The following DMD variants were observed in gnomAD, a reference collection of about 807,000 sequenced individuals.
DMD encodes the protein mutant dystrophin.
A neutral mutation model predicts 330.1 loss-of-function variants in DMD; 63 were observed. The observed-to-expected ratio is 0.19, with a 90% CI of 0.16 to 0.24. The LOEUF (loss-of-function observed/expected upper bound fraction) is 0.24, where lower values mean the gene tolerates loss of function less well. Among genes scored for constraint, DMD ranks in the 10% least tolerant of loss-of-function variants. The pLI, the probability that DMD is intolerant of heterozygous loss-of-function variation, is 1.00. For synonymous variants in DMD, 1,223 were observed against 959.8 expected, an observed-to-expected ratio of 1.27 and a Z score of -5.07; for missense variants, 3,344 against 2,684.1, an observed-to-expected ratio of 1.25 and a Z score of -5.43.
intron 1 of DMD, among the ~76,000 whole-genome samples, chrX:33,091,081 C>T (rs1603265078): frequency 9.0e-6 from 1 of 110,845 alleles, no homozygotes; most frequent in African/African-American, 3.3e-5. Context: ...AACTCTCAGT[C>T]CAGGACTGAG....
chrX:32,721,182 C>T (rs1204420102), intron 7 of DMD, among the ~76,000 whole-genome samples: 1 of 110,687 alleles, frequency 9.0e-6, no homozygotes, highest in Non-Finnish European at 1.9e-5. Context: ...AAGGCTATCT[C>T]CACAAGGTTC....
chrX:31,870,262 A>G (rs1018663545), intron 48 of DMD, among the ~76,000 whole-genome samples: 1 of 111,690 alleles, frequency 9.0e-6, no homozygotes, highest in African/African-American at 3.3e-5. Flanking sequence ...TTATTTCTCT[A>G]CTTTTTTGAG....
intron 30 of DMD, among the ~76,000 whole-genome samples, chrX:32,395,956 T>C (rs554489161): frequency 8.4e-4 from 94 of 111,398 alleles, no homozygotes; most frequent in African/African-American, 3.0e-3. Flanking sequence ...ATTTTTTTTT[T>C]CAAAGACTGC....
chrX:33,328,536 T>G, intron 1 of DMD, among the ~76,000 whole-genome samples: 1 of 110,966 alleles, frequency 9.0e-6, no homozygotes, highest in South Asian at 3.9e-4. Flanking sequence ...TATACAACAG[T>G]TTGTTAGCTG....
chrX:32,540,638 C>T (rs893087328), intron 17 of DMD, among the ~76,000 whole-genome samples: 1 of 111,818 alleles, frequency 8.9e-6, no homozygotes, highest in African/African-American at 3.2e-5. Flanking sequence ...TTATTGGTTA[C>T]TTATTGTATC....
At chrX:31,381,248 G>T (rs1602338807) in intron 60 of DMD, among the ~76,000 whole-genome samples, 1 of 110,718 alleles carries the variant, frequency 9.0e-6, no homozygotes, top group East Asian at 2.8e-4. Flanking sequence ...CCGCTGAAGT[G>T]CAGGGCTGTG....
At chrX:31,240,546 A>G (rs2048149232) in intron 63 of DMD, among the ~76,000 whole-genome samples, 1 of 111,444 alleles carries the variant, frequency 9.0e-6, no homozygotes, top group Non-Finnish European at 1.9e-5. Flanking sequence ...CCAAATTCTT[A>G]GCTTCACCCG....
intron 1 of DMD, among the ~76,000 whole-genome samples, chrX:33,312,540 C>T (rs1471603750): frequency 9.0e-6 from 1 of 111,729 alleles, no homozygotes; most frequent in Non-Finnish European, 1.9e-5. Context: ...GTAGACCCTA[C>T]ACTATGCAAG....
chrX:32,692,107 G>A (rs906619450), intron 9 of DMD, among the ~76,000 whole-genome samples: 5 of 112,054 alleles, frequency 4.5e-5, no homozygotes, highest in African/African-American at 1.6e-4. Context: ...GAACAATGCT[G>A]TATTTTACAC....
chrX:31,353,872 A>G (rs186455670), intron 60 of DMD, among the ~76,000 whole-genome samples: 120 of 112,272 alleles, frequency 1.1e-3, no homozygotes, highest in African/African-American at 3.8e-3. Context: ...TTAAACAGCC[A>G]GGAGGAACCC....
At chrX:33,212,888 T>A (rs1486453761), upstream of DMD, among the ~76,000 whole-genome samples, 1 of 111,793 alleles carries the variant, frequency 8.9e-6, no homozygotes, top group Non-Finnish European at 1.9e-5. Context: ...TGGGGCTGAT[T>A]TGGCTCTAAG....
intron 1 of DMD, among the ~76,000 whole-genome samples, chrX:33,071,722 T>C (rs1037130235): frequency 5.4e-5 from 6 of 111,769 alleles, no homozygotes; most frequent in Non-Finnish European, 9.4e-5. Flanking sequence ...TATCCAGTTT[T>C]ACTTACGCCA....
rs565087970 is a variant in DMD at position 31,430,793 on chromosome X, C to CTTT, written c.9084+13685_9084+13687dup. Reference sequence around the variant, plus strand: ...TGACTTGTTTGAAGCAAGTTAAGGTCTTTTTTTTTTTTTTTTTTTTTTTTT... The same window carrying CTTT: ...TGACTTGTTTGAAGCAAGTTAAGGTCTTTTTTTTTTTTTTTTTTTTTTTTTTTT... On this transcript the variant is annotated intron_variant, in intron 60 of 78. Transcript: ENST00000357033. Among the ~76,000 whole-genome samples the CTTT allele has an allele frequency of 1.9e-3, 91 of 48,339 alleles. 6 individuals carry two copies. The highest frequency in any genetic ancestry group is 7.4e-3 in the African/African-American group (79 of 10,711). The allele number at this position is 48,339 out of a possible 115,157, so 42.0% of individuals were successfully genotyped here.
intron 44 of DMD, among the ~76,000 whole-genome samples, chrX:32,156,191 C>T (rs1484268613): frequency 9.0e-6 from 1 of 111,455 alleles, no homozygotes; most frequent in Non-Finnish European, 1.9e-5. Context: ...ACTGTCCTGG[C>T]CAACATGGTG....
rs111411920 is a variant in DMD, at chrX:32,802,346, G to A, written c.649+7147C>T. ...GGAATGCTTGTTATTTTTCCACATC[G>A]ATTTTGTATCCTGAGACTTTGTTGA... On this transcript the variant is annotated intron_variant, in intron 7 of 78. Transcript: ENST00000357033. Among the ~76,000 whole-genome samples, 16 of 111,756 alleles carry A rather than the reference G, an allele frequency of 1.4e-4. No homozygotes were observed. The East Asian group carries it at 3.7e-3, about 26-fold the overall frequency.
At chrX:32,575,727 T>G (rs2052967153) in intron 13 of DMD, among the ~76,000 whole-genome samples, 1 of 112,055 alleles carries the variant, frequency 8.9e-6, no homozygotes, top group African/African-American at 3.2e-5. Flanking sequence ...ATCTTATCTC[T>G]TAAGTATAAA....
chrX:32,644,689 A>G (rs2059675388), intron 10 of DMD, among the ~76,000 whole-genome samples: 1 of 110,676 alleles, frequency 9.0e-6, no homozygotes, highest in Non-Finnish European at 1.9e-5. Flanking sequence ...CCAATACCAT[A>G]CATCAACTCA....
At chrX:32,887,762 A>AAAAAAC (rs2084781042) in intron 2 of DMD, among the ~76,000 whole-genome samples, 1 of 101,332 alleles carries the variant, frequency 9.9e-6, no homozygotes, top group Non-Finnish European at 2.0e-5. Context: ...AAAAAAAAAA[A>AAAAAAC]AAAAAAAAAA....
intron 18 of DMD, among the ~76,000 whole-genome samples, chrX:32,508,281 T>C (rs756831173): frequency 1.8e-5 from 2 of 111,543 alleles, no homozygotes; most frequent in Non-Finnish European, 3.8e-5. Context: ...TGGGTTCTGT[T>C]AGGGCACATT....
Sources: allele counts gnomAD v4.1 joint callset (sites outside exome capture counted in the v4.1 genomes callset), GRCh38; gene constraint gnomAD v4.1.1; transcripts MANE v1.5; gene names NCBI Gene and HGNC (gene_info 2026-07-23, HGNC 2026-07-21).